CCDC7: variants seen among roughly 807,000 people sequenced by gnomAD.
CCDC7 encodes the protein coiled-coil domain-containing protein 7.
CCDC7 carries 183 observed loss-of-function variants against 196.9 expected under a neutral mutation model. The observed-to-expected ratio is 0.93, with a 90% CI of 0.82 to 1.05. The LOEUF is 1.05. CCDC7 is among the 50% of genes least tolerant of loss of function. CCDC7 has a pLI of 0.00. For synonymous variants in CCDC7, 525 were observed against 484.6 expected (o/e 1.08, Z -1.10); for missense variants, 1,540 against 1,482.2 (o/e 1.04, Z -0.64).
At chr10:32,726,484 C>T (rs2132616645) in intron 25 of CCDC7, among the ~76,000 whole-genome samples, 1 of 151,910 alleles carries the variant, frequency 6.6e-6, no homozygotes, top group East Asian at 1.9e-4. Flanking sequence ...ATTCTGAAGA[C>T]CAATAGAAAA....
Position 32,503,514 on chromosome 10 carries a change from G to A in CCDC7, c.872+11517G>A, listed in dbSNP as rs1008703797. 4.6e-5 allele frequency among the ~76,000 whole-genome samples: 7 copies of A among 152,074 alleles called. No homozygotes were observed. In the South Asian group the frequency reaches 1.5e-3, roughly 32 times the overall value. ...GATCATGGTGAATGATCCCTTTAATGTACTGTTAAATTTGTTTTGCTAGTA... is the reference window on the plus strand; with the variant it reads ...GATCATGGTGAATGATCCCTTTAATATACTGTTAAATTTGTTTTGCTAGTA... On this transcript the variant is annotated intron_variant, in intron 9 of 41. Coordinates refer to ENST00000639629, the Ensembl canonical transcript of CCDC7.
At chr10:32,785,044 T>C (rs915077081) in intron 29 of CCDC7, among the ~76,000 whole-genome samples, 1 of 152,160 alleles carries the variant, frequency 6.6e-6, no homozygotes, top group African/African-American at 2.4e-5. Context: ...TCAAAATGTA[T>C]GAAGAACTGT....
intron 18 of CCDC7, among the ~76,000 whole-genome samples, chr10:32,600,917 T>G (rs1427431514): frequency 6.6e-6 from 1 of 152,196 alleles, no homozygotes; most frequent in Non-Finnish European, 1.5e-5. Flanking sequence ...GATCATGAAC[T>G]CCCTATGTTT....
chr10:32,623,861 G>A (rs773816130), intron 18 of CCDC7: 7 of 451,990 alleles, frequency 1.5e-5, no homozygotes, highest in South Asian at 1.2e-4. Flanking sequence ...TGCTACACAC[G>A]TGAACAACCA....
At chr10:32,490,614 G>C (rs1014324022) in intron 8 of CCDC7, among the ~76,000 whole-genome samples, 1 of 152,126 alleles carries the variant, frequency 6.6e-6, no homozygotes, top group African/African-American at 2.4e-5. Flanking sequence ...GGCTAACACA[G>C]TGAAACCCTG....
chr10:32,585,671 T>G (rs768655331), intron 18 of CCDC7, among the ~76,000 whole-genome samples: 4 of 152,148 alleles, frequency 2.6e-5, no homozygotes, highest in African/African-American at 4.8e-5. Flanking sequence ...TGATGGTTTC[T>G]GGCTTCATCC....
intron 28 of CCDC7, among the ~76,000 whole-genome samples, chr10:32,733,268 T>C (rs1207226011): frequency 2.0e-5 from 3 of 152,116 alleles, no homozygotes; most frequent in Admixed American, 1.3e-4. Flanking sequence ...TGGCAGTTGG[T>C]TATATTATTT....
At chr10:32,805,667 C>G (rs904484012) in intron 30 of CCDC7, among the ~76,000 whole-genome samples, 7 of 152,118 alleles carry the variant, frequency 4.6e-5, no homozygotes, top group African/African-American at 7.2e-5. Flanking sequence ...GGAAGGCAGA[C>G]AGGTTAATAG....
At chr10:32,588,900 A>G (rs1158758482) in intron 18 of CCDC7, among the ~76,000 whole-genome samples, 1 of 151,896 alleles carries the variant, frequency 6.6e-6, no homozygotes, top group Non-Finnish European at 1.5e-5. Context: ...GTTGGTGTAT[A>G]TATTTATGGG....
intron 20 of CCDC7, among the ~76,000 whole-genome samples, chr10:32,652,410 A>G (rs954405194): frequency 1.3e-5 from 2 of 151,954 alleles, no homozygotes; most frequent in Non-Finnish European, 2.9e-5. Context: ...TTTAACATTC[A>G]TGGTTATTAT....
chr10:32,596,104 C>T (rs530115286), intron 18 of CCDC7, among the ~76,000 whole-genome samples: 26 of 152,216 alleles, frequency 1.7e-4, no homozygotes, highest in Middle Eastern at 3.4e-3. Context: ...TCCTTGTTAA[C>T]TTTCTGTCTG....
At chr10:32,544,971 A>T (rs2052170697) in intron 13 of CCDC7, among the ~76,000 whole-genome samples, 1 of 152,210 alleles carries the variant, frequency 6.6e-6, no homozygotes, top group African/African-American at 2.4e-5. Flanking sequence ...TATGCTTAAT[A>T]TTTCAAAACA....
intron 30 of CCDC7, among the ~76,000 whole-genome samples, chr10:32,813,695 C>A (rs1055106174): frequency 6.6e-6 from 1 of 152,120 alleles, no homozygotes; most frequent in African/African-American, 2.4e-5. Flanking sequence ...ACATTATCAT[C>A]ATAATGTCCC....
chr10:32,874,794 A>G (rs1218429698), intron 41 of CCDC7, among the ~76,000 whole-genome samples: 1 of 151,574 alleles, frequency 6.6e-6, no homozygotes, highest in Non-Finnish European at 1.5e-5. Flanking sequence ...ATATATACAC[A>G]CATATATATA....
At chr10:32,617,263 T>A (rs1374052678) in intron 18 of CCDC7, among the ~76,000 whole-genome samples, 4 of 151,882 alleles carry the variant, frequency 2.6e-5, no homozygotes, top group Admixed American at 2.0e-4. Context: ...TGATTATTTG[T>A]GTTTTATTTT....
intron 9 of CCDC7, chr10:32,511,254 T>TGTGGG (rs1554812771): frequency 1.7e-5 from 10 of 594,032 alleles, no homozygotes. Flanking sequence ...AATTATTCTG[T>TGTGGG]GGGGGGCGGG....
At chr10:32,693,711 CCT>C (rs920044002) in intron 23 of CCDC7, among the ~76,000 whole-genome samples, 3 of 152,128 alleles carry the variant, frequency 2.0e-5, no homozygotes, top group African/African-American at 7.2e-5. Context: ...GCACATTCTC[CCT>C]GTGTCTGCAT....
chr10:32,778,481 T>G (rs68136515), intron 28 of CCDC7, among the ~76,000 whole-genome samples: 47,069 of 152,046 alleles, frequency 0.31, 8,894 homozygotes, highest in African/African-American at 0.52. Flanking sequence ...TCAAAGATCA[T>G]ATGATTGTAG....
intron 41 of CCDC7, among the ~76,000 whole-genome samples, chr10:32,856,459 G>A (rs951956015): frequency 3.3e-5 from 5 of 152,072 alleles, no homozygotes; most frequent in African/African-American, 9.7e-5. Flanking sequence ...GACTGAACAC[G>A]CACAGCACCC....
Sources: allele counts gnomAD v4.1 joint callset (sites outside exome capture counted in the v4.1 genomes callset), GRCh38; gene constraint gnomAD v4.1.1; transcripts MANE v1.5; gene names NCBI Gene and HGNC (gene_info 2026-07-23, HGNC 2026-07-21).